Variants in DNAJB4 observed in about 807,000 individuals in gnomAD.
DNAJB4 encodes the protein dnaJ homolog subfamily B member 4.
In DNAJB4, 10 loss-of-function variants were observed where a neutral mutation model predicts 26.6. The ratio of observed to expected loss-of-function variants is 0.38; its 90% CI spans 0.23 to 0.64. DNAJB4 has a LOEUF of 0.64. DNAJB4 is among the 30% of genes least tolerant of loss of function. The probability of loss-of-function intolerance (pLI) is 0.58; values close to 1 mark genes in which losing one functional copy is unlikely to be tolerated. For missense variants in DNAJB4, 328 were observed against 408.2 expected (o/e 0.80, Z 1.69); for synonymous variants, 136 against 134.8 (o/e 1.01, Z -0.06).
upstream of DNAJB4, chr1:77,979,367 G>A (rs912487381): frequency 4.2e-6 from 1 of 237,842 alleles, no homozygotes; most frequent in South Asian, 1.3e-4. Context: ...TTTGGGTGGT[G>A]GGAAGCCTGA....
chr1:77,986,739 A>G (rs1046578177), intron 1 of DNAJB4, among the ~76,000 whole-genome samples: 1 of 152,320 alleles, frequency 6.6e-6, no homozygotes, highest in African/African-American at 2.4e-5. Flanking sequence ...TTGTATCCAG[A>G]TACTTTTGAC....
intron 1 of DNAJB4, among the ~76,000 whole-genome samples, chr1:77,982,688 C>G (rs929585812): frequency 6.6e-6 from 1 of 152,254 alleles, no homozygotes; most frequent in Non-Finnish European, 1.5e-5. Context: ...ATCCCAGCTA[C>G]TCGGGAGGCT....
chr1:77,994,034 C>T (rs942746609), intron 1 of DNAJB4, among the ~76,000 whole-genome samples: 3 of 152,044 alleles, frequency 2.0e-5, no homozygotes, highest in Non-Finnish European at 4.4e-5. Flanking sequence ...GCAGTGGTTT[C>T]GTGATTATGT....
At chr1:77,983,870 C>T (rs751006391) in intron 1 of DNAJB4, among the ~76,000 whole-genome samples, 5 of 152,048 alleles carry the variant, frequency 3.3e-5, no homozygotes, top group African/African-American at 4.8e-5. Flanking sequence ...CACTTGAGAA[C>T]CACTGAAATA....
chr1:78,003,786 T>G (rs1314225577), upstream of DNAJB4, among the ~76,000 whole-genome samples: 5 of 152,124 alleles, frequency 3.3e-5, no homozygotes, highest in Non-Finnish European at 7.4e-5. Context: ...ATCAAAAGGG[T>G]ATATAAATGC....
rs114437658 is a variant in DNAJB4 at position 77,988,884 on chromosome 1, G to A, written c.-32+8562G>A. Among the ~76,000 whole-genome samples the A allele has an allele frequency of 6.1e-3, 935 of 152,266 alleles. 10 individuals are homozygous for A. Among genetic ancestry groups the A allele is most frequent in the African/African-American group, 0.021 (879 of 41,548 alleles). ...CCCTAGCACCTAGAAAGGTGCCTTG[G>A]CATATGAAAGGTCCTTAATAAAAAT... On this transcript the variant is annotated intron_variant, in intron 1 of 2. Coordinates refer to the DNAJB4 transcript ENST00000426517.
chr1:78,002,049 T>C (rs546097093), upstream of DNAJB4, among the ~76,000 whole-genome samples: 8 of 152,354 alleles, frequency 5.3e-5, no homozygotes, highest in East Asian at 1.5e-3. Context: ...ATGTAAGCTA[T>C]AACATCATAT....
At chr1:77,980,277 G>A (rs1414650261) in exon 1 of DNAJB4, 1 of 151,784 alleles carries the variant, frequency 6.6e-6, no homozygotes, top group African/African-American at 2.4e-5. Context: ...CATCCTGTGG[G>A]TACTCAAATG....
At chr1:77,987,769 A>C (rs1659827481) in intron 1 of DNAJB4, among the ~76,000 whole-genome samples, 2 of 151,998 alleles carry the variant, frequency 1.3e-5, no homozygotes, top group Admixed American at 6.6e-5. Context: ...ACCACTTCTC[A>C]TCACCTCCAC....
At chr1:77,985,619 T>G (rs943829303) in intron 1 of DNAJB4, among the ~76,000 whole-genome samples, 1 of 152,168 alleles carries the variant, frequency 6.6e-6, no homozygotes, top group Non-Finnish European at 1.5e-5. Flanking sequence ...AGGACAGATA[T>G]TACCTTTAGA....
chr1:78,003,883 A>G (rs1030469090), upstream of DNAJB4, among the ~76,000 whole-genome samples: 1 of 152,240 alleles, frequency 6.6e-6, no homozygotes, highest in Admixed American at 6.5e-5. Flanking sequence ...AAGTAAATAC[A>G]GTAATATTTA....
chr1:78,002,662 CTG>C (rs1660218835), upstream of DNAJB4, among the ~76,000 whole-genome samples: 2 of 152,106 alleles, frequency 1.3e-5, no homozygotes, highest in South Asian at 4.1e-4. Context: ...GTGCAAGTAT[CTG>C]TTCATTTTAC....
At chr1:77,996,058 G>T (rs1347205521) in intron 1 of DNAJB4, among the ~76,000 whole-genome samples, 3 of 152,148 alleles carry the variant, frequency 2.0e-5, no homozygotes, top group Non-Finnish European at 4.4e-5. Flanking sequence ...AGGACTTATT[G>T]TAAAAGAGGG....
intron 1 of DNAJB4, among the ~76,000 whole-genome samples, chr1:78,005,816 G>A (rs1394460495): frequency 6.6e-6 from 1 of 152,152 alleles, no homozygotes; most frequent in African/African-American, 2.4e-5. Context: ...CTTTCTTATA[G>A]CAAGGCTAGT....
In DNAJB4 at chr1:78,005,395, T is replaced by C. The variant is rs1660306880; in HGVS notation, c.211+74T>C. 7.3e-6 allele frequency: 9 copies of C among 1,227,238 alleles called. No homozygotes were observed. The South Asian group carries it at 9.5e-5, about 13-fold the overall frequency. The allele number at this position is 1,227,238 out of a possible 1,614,324, so 76.0% of individuals were successfully genotyped here. A position where few individuals can be genotyped will look rare whatever the true frequency, so the allele number is the denominator to read the frequency against. On this transcript the variant is annotated intron_variant, in intron 1 of 2. Transcript: ENST00000370763. ...TTTTTTTTCTCTCTCTCTGCCAGCC[T>C]TTTTCCCCTCTCTCTCAGCTTGTTA...
chr1:77,989,403 A>G (rs556878383), intron 1 of DNAJB4, among the ~76,000 whole-genome samples: 2 of 152,282 alleles, frequency 1.3e-5, no homozygotes, highest in Admixed American at 6.5e-5. Context: ...TTACAAGTCT[A>G]TCTCCTTCAG....
intron 1 of DNAJB4, among the ~76,000 whole-genome samples, chr1:77,992,407 C>G (rs1289847122): frequency 1.7e-5 from 1 of 58,358 alleles, no homozygotes; most frequent in African/African-American, 7.6e-5. Flanking sequence ...AGCGAGACTC[C>G]GTCTCAAAAA....
chr1:78,015,900 T>G, intron 2 of DNAJB4, 114 bp from the exon 3 acceptor site: 1 of 902,946 alleles, frequency 1.1e-6, no homozygotes, highest in Non-Finnish European at 1.6e-6. Context: ...TTGTTATTCT[T>G]TTGGAGGTTA....
Position 78,013,432 on chromosome 1 carries a change from A to G in DNAJB4, c.593A>G (p.Lys198Arg). 6.2e-7 allele frequency: 1 copy of G among 1,614,188 alleles called. No individual in the cohort carries two copies. The highest frequency in any genetic ancestry group is 1.1e-5 in the South Asian group (1 of 91,068). The change falls in exon 2 of 3, where the codon AAA (lysine) becomes AGA (arginine). Residue 198 changes from lysine to arginine, a missense_variant. Transcript: ENST00000370763. ...ADGRSYRSEDKILTIEIKKGW... is the reference protein window; with the variant it reads ...ADGRSYRSEDRILTIEIKKGW... ...GGAAGGAGTTACAGATCTGAGGACAAAATTCTTACCATTGAGATTAAAAAA... is the reference window on the plus strand; with the variant it reads ...GGAAGGAGTTACAGATCTGAGGACAGAATTCTTACCATTGAGATTAAAAAA...
Sources: allele counts gnomAD v4.1 joint callset (sites outside exome capture counted in the v4.1 genomes callset), GRCh38; gene constraint gnomAD v4.1.1; transcripts MANE v1.5; gene names NCBI Gene and HGNC (gene_info 2026-07-23, HGNC 2026-07-21).